Variants in CISD2 observed in about 807,000 individuals in gnomAD.
CISD2 encodes CDGSH iron sulfur domain 2.
In CISD2, 1 loss-of-function variant was observed where a neutral mutation model predicts 12.9. The ratio of observed to expected loss-of-function variants is 0.08; its 90% confidence interval spans 0.03 to 0.37. The LOEUF is 0.37. CISD2 is among the 10% of genes least tolerant of loss of function. The pLI is 0.99. For missense variants in CISD2, 97 were observed against 163.1 expected (o/e 0.59, Z 2.21); for synonymous variants, 50 against 60.6 (o/e 0.83, Z 0.81).
In CISD2 at chr4:102,888,226, G is replaced by A. The variant is rs1281855330; in HGVS notation, c.*796G>A. Reference sequence around the variant, plus strand: ...AAAATAGTTCAGTGTTCAAAATTGTGTTTATGTGGATATTTTTCTCTTTTT... The same window carrying A: ...AAAATAGTTCAGTGTTCAAAATTGTATTTATGTGGATATTTTTCTCTTTTT... On this transcript the variant is annotated 3_prime_UTR_variant, in exon 3 of 3. Coordinates refer to ENST00000273986, the MANE Select transcript of CISD2 (RefSeq NM_001008388.5). 5 of 152,134 alleles carry A rather than the reference G, an allele frequency of 3.3e-5. No homozygotes were observed. The East Asian group carries it at 9.6e-4, about 29-fold the overall frequency. The allele number at this position is 152,134 out of a possible 1,614,324, so 9.4% of individuals were successfully genotyped here.
intron 1 of CISD2, among the ~76,000 whole-genome samples, chr4:102,875,592 A>C (rs7690706): frequency 0.018 from 2,798 of 152,342 alleles, 81 homozygotes; most frequent in African/African-American, 0.061. Flanking sequence ...ACAAGTAAGT[A>C]CAGACCTTGT....
chr4:102,884,435 A>T (rs1331279504), intron 1 of CISD2, among the ~76,000 whole-genome samples: 1 of 152,234 alleles, frequency 6.6e-6, no homozygotes, highest in Admixed American at 6.5e-5. Flanking sequence ...GTTAACTGGT[A>T]ATTCTATAAG....
intron 1 of CISD2, among the ~76,000 whole-genome samples, chr4:102,875,966 C>G (rs571716275): frequency 9.2e-5 from 14 of 152,322 alleles, no homozygotes; most frequent in African/African-American, 3.1e-4. Context: ...CAGAAACCTT[C>G]CCTGACCCCT....
intron 1 of CISD2, among the ~76,000 whole-genome samples, chr4:102,869,771 G>T (rs560435788): frequency 1.3e-5 from 2 of 152,140 alleles, no homozygotes; most frequent in African/African-American, 4.8e-5. Flanking sequence ...ACGGTCCCGG[G>T]GCCCGCTGCG....
chr4:102,890,533 T>G lies in CISD2; in HGVS notation c.*3103T>G, dbSNP rs1734187801. 6.6e-6 allele frequency: 1 copy of G among 152,120 alleles called. No homozygotes were observed. The highest frequency in any genetic ancestry group is 2.4e-5 in the African/African-American group (1 of 41,420). 9.4% of individuals were successfully genotyped at this position (152,120 alleles called of 1,614,324 possible). The stretch of plus-strand genomic sequence containing the variant: ...GGGGAGATGTTACTAATGCTTGTAC[T>G]TTATTCAGAAATGAGTGCCTCATTG... On this transcript the variant is annotated 3_prime_UTR_variant, in exon 3 of 3. Coordinates refer to ENST00000273986, the MANE Select transcript of CISD2 (RefSeq NM_001008388.5).
intron 1 of CISD2, among the ~76,000 whole-genome samples, chr4:102,873,850 A>G (rs1437669768): frequency 6.6e-6 from 1 of 152,008 alleles, no homozygotes; most frequent in Non-Finnish European, 1.5e-5. Flanking sequence ...CAGGCCAGGT[A>G]CGGTGTGGCT....
rs1360695663 is a variant in CISD2, at chr4:102,892,305, T to C, written c.*4875T>C. 6.6e-6 allele frequency: 1 copy of C among 152,202 alleles called. No individual in the cohort carries two copies. Among genetic ancestry groups the C allele is most frequent in the Admixed American group, 6.6e-5 (1 of 15,262 alleles). The allele number at this position is 152,202 out of a possible 1,614,324, so 9.4% of individuals were successfully genotyped here. On this transcript the variant is annotated 3_prime_UTR_variant, in exon 3 of 3. Coordinates refer to ENST00000273986, the MANE Select transcript of CISD2 (RefSeq NM_001008388.5). ...AGTCCTGGACTCAAGTGATCCTCCC[T>C]GCCTCAGCACTCCCAAAGTGCTGGG...
intron 1 of CISD2, among the ~76,000 whole-genome samples, chr4:102,873,463 CG>C (rs1310209914): frequency 6.6e-6 from 1 of 151,624 alleles, no homozygotes; most frequent in Non-Finnish European, 1.5e-5. Context: ...ATTTTAGAGA[CG>C]GGGTTTTGCC....
Position 102,879,366 on chromosome 4 carries a change from G to T in CISD2, c.104-5850G>T, listed in dbSNP as rs7670621. On this transcript the variant is annotated intron_variant, in intron 1 of 2. Coordinates refer to ENST00000273986, the MANE Select transcript of CISD2 (RefSeq NM_001008388.5). ...GTAAGCACTTAATAAAAATCAGAAG[G>T]GGGGGATTGATTGGGAAAGTACTAC... Among the ~76,000 whole-genome samples, 33 of 152,130 alleles carry T rather than the reference G, an allele frequency of 2.2e-4. 1 individual carries two copies. The highest frequency in any genetic ancestry group is 4.6e-4 in the Admixed American group (7 of 15,268).
intron 1 of CISD2, among the ~76,000 whole-genome samples, chr4:102,875,161 C>T (rs996308887): frequency 3.3e-5 from 5 of 152,368 alleles, no homozygotes; most frequent in East Asian, 3.9e-4. Context: ...GTCATATCTC[C>T]GTACCTTTGC....
intron 1 of CISD2, among the ~76,000 whole-genome samples, chr4:102,878,418 C>G (rs2110395345): frequency 6.6e-6 from 1 of 152,268 alleles, no homozygotes; most frequent in South Asian, 2.1e-4. Context: ...CATGGGCCAC[C>G]AGCACCCAGC....
In CISD2 at chr4:102,869,013, C is replaced by T. The variant is rs1247169636; in HGVS notation, c.-72C>T. 4 of 1,477,498 alleles carry T rather than the reference C, an allele frequency of 2.7e-6. No homozygotes were observed. Among genetic ancestry groups the T allele is most frequent in the Non-Finnish European group, 3.6e-6 (4 of 1,111,974 alleles). The allele number at this position is 1,477,498 out of a possible 1,614,324, so 91.5% of individuals were successfully genotyped here. Reference sequence around the variant, plus strand: ...CGCCAGTGCCCGCCGGCCGCTTCCGCTCCCGGCGCAGGCGCGGCAGCTTGG... The same window carrying T: ...CGCCAGTGCCCGCCGGCCGCTTCCGTTCCCGGCGCAGGCGCGGCAGCTTGG... On this transcript the variant is annotated 5_prime_UTR_variant, in exon 1 of 3. Transcript: ENST00000273986.
At chr4:102,885,092 T>C in intron 1 of CISD2, 124 bp from the exon 2 acceptor site, 1 of 780,586 alleles carries the variant, frequency 1.3e-6, no homozygotes, top group South Asian at 1.4e-5. Context: ...CACAGTTTTA[T>C]GGATCCATTA....
intron 1 of CISD2, among the ~76,000 whole-genome samples, chr4:102,877,383 G>T (rs1016236763): frequency 3.3e-5 from 5 of 152,212 alleles, no homozygotes; most frequent in Non-Finnish European, 7.3e-5. Context: ...AATCCAGTGG[G>T]GCAGTCATTA....
chr4:102,886,833 T>G (rs1234851996), intron 2 of CISD2, among the ~76,000 whole-genome samples: 1 of 152,168 alleles, frequency 6.6e-6, no homozygotes, highest in Non-Finnish European at 1.5e-5. Flanking sequence ...CAGACTAGTC[T>G]TGAACTCCTG....
At chr4:102,876,790 A>T (rs1419303481) in intron 1 of CISD2, among the ~76,000 whole-genome samples, 2 of 152,164 alleles carry the variant, frequency 1.3e-5, no homozygotes, top group East Asian at 3.8e-4. Flanking sequence ...GTAATTTATA[A>T]AGGAAAGAGG....
At chr4:102,874,459 C>T (rs1256215000) in intron 1 of CISD2, 1 of 152,106 alleles carries the variant, frequency 6.6e-6, no homozygotes, top group East Asian at 1.9e-4. Context: ...TGCACATTTA[C>T]CTCCTCAACC....
intron 1 of CISD2, among the ~76,000 whole-genome samples, chr4:102,871,838 T>C (rs1219273671): frequency 6.6e-6 from 1 of 152,190 alleles, no homozygotes; most frequent in African/African-American, 2.4e-5. Flanking sequence ...GTTCACATTA[T>C]TATTGCCTAC....
intron 2 of CISD2, 78 bp downstream of exon 2, chr4:102,885,508 G>A (rs1047756460): frequency 1.8e-6 from 2 of 1,121,356 alleles, no homozygotes; most frequent in Admixed American, 1.8e-5. Flanking sequence ...CAGTTTTGAA[G>A]TTCTTTAAGA....
Sources: gnomAD v4.1 joint callset for allele counts (sites outside exome capture counted in the v4.1 genomes callset) on GRCh38, gnomAD v4.1.1 for gene constraint, MANE v1.5 for transcripts, NCBI Gene and HGNC (gene_info 2026-07-23, HGNC 2026-07-21) for gene names.